The following MAST4 variants were observed in gnomAD, a reference collection of about 807,000 sequenced individuals.
The protein encoded by MAST4 is microtubule-associated serine/threonine-protein kinase 4.
Under a neutral mutation model 162.7 loss-of-function variants are expected in MAST4, and 89 were observed. The observed-to-expected ratio is 0.55, with a 90% CI of 0.46 to 0.65. MAST4 has a LOEUF of 0.65. MAST4 is among the 30% of genes least tolerant of loss of function. The pLI is 0.00. For synonymous variants in MAST4, 1,479 were observed against 1,361.1 expected, an observed-to-expected ratio of 1.09 and a Z score of -1.91; for missense variants, 3,153 against 3,374.0, an observed-to-expected ratio of 0.93 and a Z score of 1.62.
chr5:66,804,367 A>G (rs1371283798), intron 3 of MAST4, among the ~76,000 whole-genome samples: 1 of 152,184 alleles, frequency 6.6e-6, no homozygotes, highest in Non-Finnish European at 1.5e-5. Context: ...TGCTTTGGCC[A>G]TGGATCTGTG....
chr5:66,968,178 G>A (rs1746983133), intron 4 of MAST4, among the ~76,000 whole-genome samples: 1 of 152,110 alleles, frequency 6.6e-6, no homozygotes, highest in African/African-American at 2.4e-5. Context: ...CCGTAGTGAT[G>A]TTCTTTTGTA....
At chr5:67,001,230 G>A (rs1052438376) in intron 4 of MAST4, among the ~76,000 whole-genome samples, 3 of 152,088 alleles carry the variant, frequency 2.0e-5, no homozygotes, top group Admixed American at 1.3e-4. Flanking sequence ...TGTGTTTACC[G>A]ACTGCTCTGC....
At chr5:66,738,049 A>G (rs1752254197) in intron 1 of MAST4, 1 of 152,172 alleles carries the variant, frequency 6.6e-6, no homozygotes, top group African/African-American at 2.4e-5. Flanking sequence ...AGAGCTGACA[A>G]ATTCAACCAC....
At chr5:66,612,961 C>G (rs367872609) in intron 1 of MAST4, among the ~76,000 whole-genome samples, 4 of 152,264 alleles carry the variant, frequency 2.6e-5, no homozygotes, top group East Asian at 3.9e-4. Flanking sequence ...AAACAACATA[C>G]TATGAAGATT....
intron 4 of MAST4, among the ~76,000 whole-genome samples, chr5:67,007,756 C>T (rs1380003781): frequency 2.0e-5 from 3 of 152,240 alleles, no homozygotes; most frequent in South Asian, 2.1e-4. Context: ...TGCTACATTA[C>T]GTTTGCCTTA....
chr5:67,075,467 C>T (rs1385699611), intron 5 of MAST4, among the ~76,000 whole-genome samples: 6 of 77,108 alleles, frequency 7.8e-5, no homozygotes, highest in African/African-American at 3.2e-4. Flanking sequence ...TGAGCCACCA[C>T]ACCTGGCTTT....
intron 7 of MAST4, 121 bp downstream of exon 7, chr5:67,095,796 A>T: frequency 1.6e-6 from 1 of 626,922 alleles, no homozygotes; most frequent in Non-Finnish European, 2.5e-6. Context: ...CATGTCTGCC[A>T]CTCTGAATAA....
chr5:67,128,500 G>A (rs1768531623), intron 14 of MAST4, among the ~76,000 whole-genome samples: 1 of 152,112 alleles, frequency 6.6e-6, no homozygotes, highest in Non-Finnish European at 1.5e-5. Context: ...TAATAATAAT[G>A]TTTAGACCGA....
At chr5:66,931,954 T>C (rs548119479) in intron 4 of MAST4, among the ~76,000 whole-genome samples, 1 of 152,304 alleles carries the variant, frequency 6.6e-6, no homozygotes, top group African/African-American at 2.4e-5. Context: ...TATCCAGTTT[T>C]GTTTTTTCAG....
chr5:67,158,005 T>G (rs1291287125), intron 26 of MAST4, among the ~76,000 whole-genome samples: 1 of 152,158 alleles, frequency 6.6e-6, no homozygotes, highest in Non-Finnish European at 1.5e-5. Context: ...GCCCCAGCGG[T>G]CATTATGGTT....
At position 67,165,485 on chromosome 5, in the gene MAST4, T is replaced by C; in HGVS notation, c.6306T>C (p.Ser2102=). The part of the protein sequence containing the change: ...LQPPGIESEK[S]EKLSSFPSLQ... Reference sequence around the variant, plus strand: ...CACCTGGAATTGAGAGTGAGAAGAGTGAAAAGCTCTCCAGTTTCCCATCTT... The same window carrying C: ...CACCTGGAATTGAGAGTGAGAAGAGCGAAAAGCTCTCCAGTTTCCCATCTT... The change falls in exon 29 of 29, where the codon AGT becomes AGC. Residue 2102 remains serine (S), a synonymous_variant. Coordinates refer to ENST00000403625, the MANE Select transcript of MAST4 (RefSeq NM_001164664.2). 2 of 1,613,462 alleles carry C rather than the reference T, an allele frequency of 1.2e-6. No individual in the cohort carries two copies. Among genetic ancestry groups the C allele is most frequent in the Non-Finnish European group, 1.7e-6 (2 of 1,179,776 alleles).
intron 1 of MAST4, among the ~76,000 whole-genome samples, chr5:66,660,891 T>G (rs1220132689): frequency 6.6e-6 from 1 of 152,264 alleles, no homozygotes; most frequent in Admixed American, 6.5e-5. Flanking sequence ...TAATTTCATT[T>G]AATAAAAAAT....
intron 4 of MAST4, among the ~76,000 whole-genome samples, chr5:66,916,397 A>G (rs1425267488): frequency 6.6e-6 from 1 of 152,238 alleles, no homozygotes; most frequent in Non-Finnish European, 1.5e-5. Flanking sequence ...TAGGCAAAGA[A>G]TGTTTGTTCA....
chr5:66,882,228 A>C (rs1761736655), intron 3 of MAST4, among the ~76,000 whole-genome samples: 1 of 152,262 alleles, frequency 6.6e-6, no homozygotes, highest in East Asian at 1.9e-4. Flanking sequence ...CCTTGAATTT[A>C]TCCTGCCTAG....
intron 23 of MAST4, among the ~76,000 whole-genome samples, chr5:67,147,362 A>G (rs1041546935): frequency 4.6e-5 from 7 of 152,250 alleles, no homozygotes; most frequent in African/African-American, 1.7e-4. Flanking sequence ...CATTTAGAGA[A>G]CATTAAAGTG....
At chr5:66,933,211 C>T (rs1476520592) in intron 4 of MAST4, among the ~76,000 whole-genome samples, 1 of 152,088 alleles carries the variant, frequency 6.6e-6, no homozygotes, top group Non-Finnish European at 1.5e-5. Flanking sequence ...CTTCATTGCA[C>T]TTATATGCCC....
chr5:67,081,113 TA>T (rs1178408971), intron 5 of MAST4, among the ~76,000 whole-genome samples: 1 of 142,122 alleles, frequency 7.0e-6, no homozygotes, highest in Non-Finnish European at 1.5e-5. Context: ...ATATATTATA[TA>T]TTTTTTTTTA....
At chr5:67,058,640 G>A (rs1380726500) in intron 5 of MAST4, among the ~76,000 whole-genome samples, 1 of 152,196 alleles carries the variant, frequency 6.6e-6, no homozygotes, top group Non-Finnish European at 1.5e-5. Context: ...GGATACACAA[G>A]ATACATTGTT....
At chr5:66,690,696 TGAAAAATTGAGGAGGTGATTG>T (rs1018708952) in intron 1 of MAST4, among the ~76,000 whole-genome samples, 6 of 152,172 alleles carry the variant, frequency 3.9e-5, no homozygotes, top group Middle Eastern at 3.2e-3. Flanking sequence ...CTAGCACTGT[TGAAAAATTGAGGAGGTGATTG>T]GAAAAATTGA....
Sources: gnomAD v4.1 joint callset for allele counts (sites outside exome capture counted in the v4.1 genomes callset) on GRCh38, gnomAD v4.1.1 for gene constraint, MANE v1.5 for transcripts, NCBI Gene and HGNC (gene_info 2026-07-23, HGNC 2026-07-21) for gene names.